Variants in CFAP221 observed in about 807,000 individuals in gnomAD.
The protein encoded by CFAP221 is cilia and flagella associated protein 221.
Under a neutral mutation model 113.1 loss-of-function variants are expected in CFAP221, and 97 were observed. That is an observed-to-expected ratio of 0.86 (90% CI 0.73 to 1.02). CFAP221 has a LOEUF of 1.02. CFAP221 is among the 50% of genes least tolerant of loss of function. The pLI is 0.00. For missense variants in CFAP221, 1,025 were observed against 1,013.4 expected, an observed-to-expected ratio of 1.01 and a Z score of -0.16; for synonymous variants, 331 against 354.4, an observed-to-expected ratio of 0.93 and a Z score of 0.74.
chr2:119,654,506 T>C (rs1688316393), intron 23 of CFAP221, among the ~76,000 whole-genome samples: 1 of 152,230 alleles, frequency 6.6e-6, no homozygotes, highest in South Asian at 2.1e-4. Flanking sequence ...CTCTTTTACA[T>C]GAGTCTTCAC....
chr2:119,651,614 AT>A (rs1288638214), intron 22 of CFAP221, among the ~76,000 whole-genome samples: 4 of 152,206 alleles, frequency 2.6e-5, no homozygotes, highest in Non-Finnish European at 5.9e-5. Context: ...GAGAGAGAAC[AT>A]ATTCCGACTA....
chr2:119,562,674 T>A (rs1190206087), intron 6 of CFAP221, among the ~76,000 whole-genome samples: 3 of 152,244 alleles, frequency 2.0e-5, no homozygotes, highest in Admixed American at 1.3e-4. Context: ...TTCTCTCCTT[T>A]TTTTGGTGAA....
At chr2:119,571,956 T>G (rs1682089423) in intron 6 of CFAP221, among the ~76,000 whole-genome samples, 1 of 99,998 alleles carries the variant, frequency 1.0e-5, no homozygotes, top group Non-Finnish European at 2.2e-5. Context: ...ACTTTGGGGT[T>G]GCCCCTTACT....
intron 13 of CFAP221, among the ~76,000 whole-genome samples, chr2:119,611,995 G>A (rs1216623666): frequency 6.6e-6 from 1 of 152,026 alleles, no homozygotes; most frequent in East Asian, 1.9e-4. Context: ...CTCATTTTAG[G>A]TCTCCTTTTT....
intron 8 of CFAP221, among the ~76,000 whole-genome samples, chr2:119,603,375 A>C (rs1384694180): frequency 1.3e-5 from 2 of 152,098 alleles, no homozygotes; most frequent in African/African-American, 4.8e-5. Flanking sequence ...TCAGTTCGCT[A>C]CCTGGCTAAA....
chr2:119,602,556 T>C, intron 8 of CFAP221: 1 of 925,328 alleles, frequency 1.1e-6, no homozygotes, highest in South Asian at 5.0e-5. Context: ...TATCAAAATA[T>C]GAACTCACTC....
At chr2:119,584,040 T>C (rs956900576) in intron 6 of CFAP221, among the ~76,000 whole-genome samples, 1 of 152,112 alleles carries the variant, frequency 6.6e-6, no homozygotes, top group Non-Finnish European at 1.5e-5. Context: ...TTAACCAAAA[T>C]GTATAAGCTC....
intron 19 of CFAP221, among the ~76,000 whole-genome samples, chr2:119,634,522 T>A (rs1686995969): frequency 6.6e-6 from 1 of 152,150 alleles, no homozygotes; most frequent in African/African-American, 2.4e-5. Flanking sequence ...AGCACTCCTA[T>A]GTTCATTGCA....
intron 14 of CFAP221, among the ~76,000 whole-genome samples, chr2:119,617,196 GGC>G (rs1165466507): frequency 3.9e-5 from 6 of 152,162 alleles, no homozygotes; most frequent in African/African-American, 1.4e-4. Flanking sequence ...CTGGACTTGT[GGC>G]AGTCTAGGTA....
intron 3 of CFAP221, among the ~76,000 whole-genome samples, chr2:119,550,028 A>G (rs183241680): frequency 1.2e-4 from 19 of 152,282 alleles, no homozygotes; most frequent in African/African-American, 3.8e-4. Flanking sequence ...TCCCCTAGTC[A>G]TGCCTGGCAG....
chr2:119,622,960 A>C (rs1686043981), intron 14 of CFAP221, among the ~76,000 whole-genome samples: 1 of 152,242 alleles, frequency 6.6e-6, no homozygotes, highest in South Asian at 2.1e-4. Flanking sequence ...AACTGGCACA[A>C]GACAAGGATG....
intron 6 of CFAP221, among the ~76,000 whole-genome samples, chr2:119,571,648 G>C (rs1682067319): frequency 6.6e-6 from 1 of 151,816 alleles, no homozygotes; most frequent in East Asian, 1.9e-4. Context: ...GGTGGAGATG[G>C]GATTTCACCA....
intron 11 of CFAP221, among the ~76,000 whole-genome samples, chr2:119,607,573 A>G (rs1464221467): frequency 6.6e-6 from 1 of 152,162 alleles, no homozygotes; most frequent in Non-Finnish European, 1.5e-5. Flanking sequence ...TTTTTAGTAA[A>G]TCCACAATGT....
intron 20 of CFAP221, among the ~76,000 whole-genome samples, chr2:119,639,524 G>A (rs965239011): frequency 3.3e-5 from 5 of 152,310 alleles, no homozygotes; most frequent in Admixed American, 2.0e-4. Context: ...CCTCCATCCC[G>A]AGGACATGTT....
At chr2:119,554,617 C>A (rs769014117) in intron 3 of CFAP221, among the ~76,000 whole-genome samples, 4 of 152,058 alleles carry the variant, frequency 2.6e-5, no homozygotes, top group Non-Finnish European at 5.9e-5. Flanking sequence ...CCTTAGAGAC[C>A]CTGAAGATCT....
intron 19 of CFAP221, among the ~76,000 whole-genome samples, chr2:119,634,968 G>T (rs1687023570): frequency 6.6e-6 from 1 of 152,116 alleles, no homozygotes; most frequent in African/African-American, 2.4e-5. Context: ...GGTAAGTGTT[G>T]TTACCACCAT....
intron 19 of CFAP221, 71 bp from the exon 20 acceptor site, chr2:119,638,188 C>A: frequency 6.6e-7 from 1 of 1,517,482 alleles, no homozygotes; most frequent in Non-Finnish European, 9.1e-7. Context: ...ACAGCATTAG[C>A]TGATGCCTGT....
At chr2:119,604,148 T>TCAGTATG (rs1204450806) in intron 8 of CFAP221, among the ~76,000 whole-genome samples, 1 of 152,172 alleles carries the variant, frequency 6.6e-6, no homozygotes, top group East Asian at 1.9e-4. Flanking sequence ...ATGTTTTCAG[T>TCAGTATG]CAGTATGTTC....
chr2:119,642,046 C>G (rs1354907352), intron 21 of CFAP221, among the ~76,000 whole-genome samples: 1 of 152,178 alleles, frequency 6.6e-6, no homozygotes, highest in Non-Finnish European at 1.5e-5. Flanking sequence ...AATGCAGTTA[C>G]CTTGGGCTTG....
Sources: allele counts gnomAD v4.1 joint callset (sites outside exome capture counted in the v4.1 genomes callset), GRCh38; gene constraint gnomAD v4.1.1; transcripts MANE v1.5; gene names NCBI Gene and HGNC (gene_info 2026-07-23, HGNC 2026-07-21).